The following RMST variants were observed in gnomAD, a reference collection of about 807,000 sequenced individuals.
RMST encodes the protein long intergenic non-protein coding RNA 54.
chr12:97,495,179 G>GT (rs925882422), intron 9 of RMST, among the ~76,000 whole-genome samples: 1 of 120,202 alleles, frequency 8.3e-6, no homozygotes, highest in Non-Finnish European at 1.6e-5. Context: ...ATTCTTATGG[G>GT]GGGGGAGCCG....
intron 11 of RMST, among the ~76,000 whole-genome samples, chr12:97,551,234 T>G (rs2136649197): frequency 6.6e-6 from 1 of 151,356 alleles, no homozygotes; most frequent in South Asian, 2.1e-4. Flanking sequence ...CTTAGTCCTC[T>G]TGGTAATTGA....
intron 8 of RMST, among the ~76,000 whole-genome samples, chr12:97,494,491 A>G (rs1222647366): frequency 6.6e-6 from 1 of 152,188 alleles, no homozygotes; most frequent in Admixed American, 6.5e-5. Flanking sequence ...TTGAGGCTGC[A>G]GTGAGCTATG....
intron 10 of RMST, among the ~76,000 whole-genome samples, chr12:97,516,272 C>T (rs1047918133): frequency 2.6e-5 from 4 of 151,932 alleles, no homozygotes; most frequent in African/African-American, 9.7e-5. Context: ...ATATTGTAAA[C>T]CATGGCTCAG....
chr12:97,522,717 G>C (rs1880642524), intron 10 of RMST, among the ~76,000 whole-genome samples: 1 of 151,948 alleles, frequency 6.6e-6, no homozygotes, highest in Non-Finnish European at 1.5e-5. Flanking sequence ...GTTAGTAAGG[G>C]TATTATTTCA....
intron 10 of RMST, among the ~76,000 whole-genome samples, chr12:97,523,881 T>G (rs1264145521): frequency 1.3e-5 from 2 of 151,538 alleles, no homozygotes; most frequent in African/African-American, 4.8e-5. Context: ...ATCCAGACCA[T>G]CCTGGTTAAC....
intron 11 of RMST, among the ~76,000 whole-genome samples, chr12:97,546,263 C>A (rs1028742410): frequency 6.6e-6 from 1 of 151,992 alleles, no homozygotes; most frequent in Non-Finnish European, 1.5e-5. Flanking sequence ...ATGGAGAGAT[C>A]TAATCTTTCA....
At chr12:97,512,280 G>A (rs766677446) in intron 10 of RMST, among the ~76,000 whole-genome samples, 1 of 152,186 alleles carries the variant, frequency 6.6e-6, no homozygotes, top group African/African-American at 2.4e-5. Context: ...TGGTGTTACA[G>A]CTCATAAAGG....
intron 10 of RMST, among the ~76,000 whole-genome samples, chr12:97,506,438 C>T (rs570752437): frequency 6.6e-6 from 1 of 152,152 alleles, no homozygotes; most frequent in Non-Finnish European, 1.5e-5. Flanking sequence ...AACTGATAAC[C>T]TCTTATCTTC....
intron 11 of RMST, among the ~76,000 whole-genome samples, chr12:97,540,719 A>G (rs1462423607): frequency 6.6e-6 from 1 of 151,714 alleles, no homozygotes. Flanking sequence ...TATAATGTAT[A>G]TAAATGCCTT....
At chr12:97,501,154 T>C (rs1225359946) in intron 10 of RMST, among the ~76,000 whole-genome samples, 1 of 152,202 alleles carries the variant, frequency 6.6e-6, no homozygotes, top group African/African-American at 2.4e-5. Flanking sequence ...AAGGCAGTTT[T>C]CTTATTCATT....
intron 10 of RMST, among the ~76,000 whole-genome samples, chr12:97,528,683 T>C (rs912397431): frequency 1.1e-4 from 17 of 152,200 alleles, no homozygotes; most frequent in Non-Finnish European, 1.9e-4. Context: ...CATTAATATA[T>C]GGGTAATCCA....
chr12:97,546,202 A>G (rs1010086334), intron 11 of RMST, among the ~76,000 whole-genome samples: 3 of 152,056 alleles, frequency 2.0e-5, no homozygotes, highest in African/African-American at 7.2e-5. Context: ...ATTTTTGAGG[A>G]CTTTTAATTT....
intron 10 of RMST, among the ~76,000 whole-genome samples, chr12:97,513,487 G>A (rs1352948170): frequency 6.6e-6 from 1 of 152,154 alleles, no homozygotes; most frequent in Non-Finnish European, 1.5e-5. Context: ...CGATGTTGAA[G>A]ATGGAGAGGG....
At chr12:97,536,532 A>G (rs1882091526) in intron 11 of RMST, among the ~76,000 whole-genome samples, 1 of 151,412 alleles carries the variant, frequency 6.6e-6, no homozygotes. Context: ...ATCCATCTCT[A>G]TATTTATCTG....
chr12:97,485,872 G>A (rs2136434591), intron 5 of RMST, among the ~76,000 whole-genome samples: 1 of 152,310 alleles, frequency 6.6e-6, no homozygotes, highest in South Asian at 2.1e-4. Flanking sequence ...GGCCCACCTG[G>A]CAGTGTGTCT....
intron 11 of RMST, among the ~76,000 whole-genome samples, chr12:97,551,522 C>T (rs1197856996): frequency 6.6e-6 from 1 of 152,176 alleles, no homozygotes; most frequent in Non-Finnish European, 1.5e-5. Flanking sequence ...CTCCATTGCT[C>T]TGGCCATTCC....
At chr12:97,463,897 A>T (rs1872871941) in intron 4 of RMST, among the ~76,000 whole-genome samples, 1 of 152,108 alleles carries the variant, frequency 6.6e-6, no homozygotes, top group South Asian at 2.1e-4. Flanking sequence ...TGATGAGGAG[A>T]AATTGACTCA....
At chr12:97,524,075 CAAAAAAAAAAA>C (rs537840796) in intron 10 of RMST, among the ~76,000 whole-genome samples, 7 of 56,118 alleles carry the variant, frequency 1.2e-4, no homozygotes, top group East Asian at 9.5e-4. Context: ...GACTCTGTCT[CAAAAAAAAAAA>C]AAAAAAAAAA....
intron 10 of RMST, among the ~76,000 whole-genome samples, chr12:97,520,656 T>C (rs1193636317): frequency 6.6e-6 from 1 of 152,220 alleles, no homozygotes; most frequent in East Asian, 1.9e-4. Flanking sequence ...AAACGATTTT[T>C]AATTCTCTTG....
Sources: allele counts gnomAD v4.1 joint callset (sites outside exome capture counted in the v4.1 genomes callset), GRCh38; gene constraint gnomAD v4.1.1; transcripts MANE v1.5; gene names NCBI Gene and HGNC (gene_info 2026-07-23, HGNC 2026-07-21).